DNAH7: variants seen among roughly 807,000 people sequenced by gnomAD.
The protein encoded by DNAH7 is axonemal beta dynein heavy chain 7.
In DNAH7, 397 loss-of-function variants were observed where a neutral mutation model predicts 444.6. That is an observed-to-expected ratio of 0.89 (90% CI 0.82 to 0.97). DNAH7 has a LOEUF of 0.97. Among genes scored for constraint, DNAH7 ranks in the 50% least tolerant of loss-of-function variants. The probability of loss-of-function intolerance (pLI) is 0.00; values close to 1 mark genes in which losing one functional copy is unlikely to be tolerated. For missense variants in DNAH7, 4,902 were observed against 4,800.8 expected (o/e 1.02, Z -0.62); for synonymous variants, 1,636 against 1,624.4 (o/e 1.01, Z -0.17).
intron 7 of DNAH7, among the ~76,000 whole-genome samples, chr2:196,024,895 C>A (rs1005192363): frequency 4.0e-5 from 6 of 151,414 alleles, no homozygotes; most frequent in African/African-American, 1.5e-4. Context: ...CCCTCTGTAT[C>A]TGCAGGTTCT....
Position 195,972,281 on chromosome 2 carries a change from G to A in DNAH7, c.2019C>T (p.Ile673=). The part of the protein sequence containing the change: ...MGEIFEEHRK[I]IKEKIEQYQE... ...GATATTGTTCTATTTTCTCTTTAAT[G>A]ATTTTCCTGTGTTCTTCAAAAATTT... Residue 673 remains isoleucine, a synonymous_variant, in exon 16 of 65, where the codon ATC becomes ATT. Transcript: ENST00000312428. The A allele has an allele frequency of 6.2e-7, 1 of 1,613,912 alleles. No homozygotes were observed. The highest frequency in any genetic ancestry group is 1.1e-5 in the South Asian group (1 of 91,052).
Position 195,960,550 on chromosome 2 carries a change from T to C in DNAH7, c.2601A>G (p.Pro867=), listed in dbSNP as rs1177382740. 4.3e-6 allele frequency: 7 copies of C among 1,614,238 alleles called. No homozygotes were observed. Among genetic ancestry groups the C allele is most frequent in the Non-Finnish European group, 5.1e-6 (6 of 1,180,042 alleles). ...MSAIVGYPLQ[P]SDDSTVSSFL... ...AAGAGGAGACTGTGGAGTCATCTGA[T>C]GGCTGCAAAGGGTAACCAACAATGG... The change falls in exon 18 of 65, where the codon CCA becomes CCG. Residue 867 remains proline, a synonymous_variant. Transcript: ENST00000312428.
At chr2:195,764,584 T>C (rs985456472) in intron 61 of DNAH7, among the ~76,000 whole-genome samples, 2 of 152,078 alleles carry the variant, frequency 1.3e-5, no homozygotes, top group African/African-American at 4.8e-5. Flanking sequence ...CATCTCTATA[T>C]GCCAAGAGTG....
rs1486808441 is a variant in DNAH7, at chr2:196,001,685, G to T, written c.1163C>A (p.Ala388Glu). 13 of 1,565,952 alleles carry T rather than the reference G, an allele frequency of 8.3e-6. No homozygotes were observed. The highest frequency in any genetic ancestry group is 1.1e-5 in the Non-Finnish European group (13 of 1,156,288). Residue 388 changes from alanine to glutamate, a missense_variant, in exon 11 of 65, where the codon GCA (alanine) becomes GAA (glutamate). Coordinates refer to ENST00000312428, the MANE Select transcript of DNAH7 (RefSeq NM_018897.3). ...VSMQDFTDLI[A>E]QPPDSVRAFE... ...CTGAACCATACTTACTGGGGGTTGT[G>T]CAATTAAGTCCGTGAAATCTTGCAT...
At chr2:195,911,955 A>G (rs1182025176) in intron 24 of DNAH7, among the ~76,000 whole-genome samples, 1 of 152,200 alleles carries the variant, frequency 6.6e-6, no homozygotes, top group Non-Finnish European at 1.5e-5. Flanking sequence ...ATTAATAGTA[A>G]AAAATATGTA....
intron 61 of DNAH7, 142 bp downstream of exon 61, chr2:195,771,518 G>T (rs1694838878): frequency 3.0e-6 from 2 of 657,730 alleles, no homozygotes; most frequent in Middle Eastern, 4.1e-4. Flanking sequence ...GCTCCTCAAG[G>T]GCAAGAATTA....
intron 57 of DNAH7, among the ~76,000 whole-genome samples, chr2:195,787,820 G>A (rs768675832): frequency 2.0e-4 from 30 of 152,060 alleles, no homozygotes; most frequent in Non-Finnish European, 3.5e-4. Flanking sequence ...AAGTGAAGTC[G>A]CCACACTCCT....
At chr2:195,988,344 T>A (rs547601946) in intron 12 of DNAH7, 115 bp from the exon 13 acceptor site, 2 of 942,138 alleles carry the variant, frequency 2.1e-6, no homozygotes, top group Admixed American at 6.7e-5. Flanking sequence ...CACAAGGTTG[T>A]TTTAACTGTT....
Position 195,900,485 on chromosome 2 carries a change from G to A in DNAH7, c.4345C>T (p.Arg1449Trp), listed in dbSNP as rs764307923. The A allele has an allele frequency of 2.0e-5, 32 of 1,613,620 alleles. No homozygotes were observed. The highest frequency in any genetic ancestry group is 2.5e-5 in the Non-Finnish European group (29 of 1,179,730). ...TCAGGTACCATCATTGCTACTGTCC[G>A]AAAGAGAGCCTATGGGTAGGTAGAA... ...ELPDNLKALFRTVAMMVPDYA... is the reference protein window; with the variant it reads ...ELPDNLKALFWTVAMMVPDYA... The change falls in exon 28 of 65, where the codon CGG becomes TGG. Residue 1449 changes from arginine (R) to tryptophan (W), a missense_variant. Physicochemically the swap from Arg to Trp is moderately radical, Grantham distance 101. Transcript: ENST00000312428.
At chr2:195,750,967 A>G (rs145958714) in intron 63 of DNAH7, among the ~76,000 whole-genome samples, 1 of 152,306 alleles carries the variant, frequency 6.6e-6, no homozygotes, top group African/African-American at 2.4e-5. Context: ...GCTCAAACTC[A>G]TATTTATTAG....
In DNAH7 at chr2:196,057,174, C is replaced by A. The variant is rs181314948; in HGVS notation, c.78+880G>T. 5.9e-5 allele frequency among the ~76,000 whole-genome samples: 9 copies of A among 152,050 alleles called. No individual in the cohort carries two copies. The East Asian group carries it at 1.2e-3, about 20-fold the overall frequency. ...TAAATACCTCTTAAAAATCTAATTT[C>A]TTTTAAAAGACATAAAACTCAAAGG... On this transcript the variant is annotated intron_variant, in intron 2 of 64. Transcript: ENST00000312428.
At chr2:195,744,909 A>G (rs1693295463) in intron 63 of DNAH7, among the ~76,000 whole-genome samples, 1 of 152,212 alleles carries the variant, frequency 6.6e-6, no homozygotes, top group African/African-American at 2.4e-5. Flanking sequence ...TGGGGAAAAA[A>G]CAGAGCAGAA....
intron 19 of DNAH7, among the ~76,000 whole-genome samples, chr2:195,945,162 A>C (rs1199692502): frequency 6.6e-6 from 1 of 152,130 alleles, no homozygotes; most frequent in Non-Finnish European, 1.5e-5. Flanking sequence ...CCTTCTACAT[A>C]TTAAGCAAAA....
chr2:195,833,174 T>C (rs1485743157), intron 48 of DNAH7, among the ~76,000 whole-genome samples: 7 of 152,228 alleles, frequency 4.6e-5, no homozygotes, highest in Admixed American at 4.6e-4. Flanking sequence ...TATTTAATAG[T>C]AGAGATCATG....
chr2:195,786,891 T>C (rs1695649175), intron 58 of DNAH7, 119 bp downstream of exon 58: 2 of 1,053,778 alleles, frequency 1.9e-6, no homozygotes, highest in Admixed American at 5.4e-5. Flanking sequence ...TGTTGGGAAC[T>C]ACTCTCCTAT....
intron 24 of DNAH7, among the ~76,000 whole-genome samples, chr2:195,912,915 G>A (rs1364453324): frequency 1.3e-5 from 2 of 152,104 alleles, no homozygotes; most frequent in African/African-American, 4.8e-5. Flanking sequence ...TTGAGTTGAG[G>A]GAGAAGGGAG....
intron 17 of DNAH7, among the ~76,000 whole-genome samples, chr2:195,963,622 C>T (rs890701291): frequency 6.6e-6 from 1 of 152,080 alleles, no homozygotes; most frequent in African/African-American, 2.4e-5. Context: ...GGATGTGATC[C>T]CATTTGTCCA....
At chr2:195,888,558 A>G (rs1701839289) in intron 32 of DNAH7, 124 bp from the exon 33 acceptor site, 1 of 1,083,806 alleles carries the variant, frequency 9.2e-7, no homozygotes, top group African/African-American at 1.6e-5. Context: ...ATATTATATA[A>G]TTTCATGATG....
Position 195,900,340 on chromosome 2 carries a change from T to C in DNAH7, c.4490A>G (p.His1497Arg). Residue 1497 changes from histidine (H) to arginine (R), a missense_variant, in exon 28 of 65, where the codon CAC becomes CGC. Coordinates refer to ENST00000312428, the MANE Select transcript of DNAH7 (RefSeq NM_018897.3). ...CACGGCTCTCATTCCATAGTCGTAG[T>C]GATGTTGAGATGACAGCTGCTCTGA... ...LCSEQLSSQH[H>R]YDYGMRAVKS... 3 of 1,614,028 alleles carry C rather than the reference T, an allele frequency of 1.9e-6. No individual in the cohort carries two copies. The highest frequency in any genetic ancestry group is 2.5e-6 in the Non-Finnish European group (3 of 1,179,940).
Sources: allele counts gnomAD v4.1 joint callset (sites outside exome capture counted in the v4.1 genomes callset), GRCh38; gene constraint gnomAD v4.1.1; transcripts MANE v1.5; gene names NCBI Gene and HGNC (gene_info 2026-07-23, HGNC 2026-07-21).